The following PDE4A variants were observed in gnomAD, a reference collection of about 807,000 sequenced individuals.
PDE4A encodes the protein phosphodiesterase 4A, also known as 3',5'-cyclic-AMP phosphodiesterase 4A.
Under a neutral mutation model 73.9 loss-of-function variants are expected in PDE4A, and 21 were observed. The ratio of observed to expected loss-of-function variants is 0.28; its 90% confidence interval spans 0.20 to 0.41. PDE4A has a LOEUF of 0.41. PDE4A is among the 10% of genes least tolerant of loss of function. The pLI, the probability that PDE4A is intolerant of heterozygous loss-of-function variation, is 1.00. For missense variants in PDE4A, 958 were observed against 1,211.4 expected (o/e 0.79, Z 3.10); for synonymous variants, 463 against 505.4 (o/e 0.92, Z 1.13).
intron 1 of PDE4A, among the ~76,000 whole-genome samples, chr19:10,444,391 G>A (rs949590966): frequency 6.6e-6 from 1 of 151,960 alleles, no homozygotes; most frequent in African/African-American, 2.4e-5. Flanking sequence ...CCAGCTACTC[G>A]GGAGACTAAG....
chr19:10,421,080 A>G lies in PDE4A; in HGVS notation c.316A>G (p.Arg106Gly). 7.3e-7 allele frequency: 1 copy of G among 1,378,532 alleles called. No individual in the cohort carries two copies. The highest frequency in any genetic ancestry group is 9.3e-7 in the Non-Finnish European group (1 of 1,075,722). The allele number at this position is 1,378,532 out of a possible 1,614,324, so 85.4% of individuals were successfully genotyped here. Residue 106 changes from arginine (R) to glycine (G), a missense_variant, in exon 1 of 15, where the codon AGG (arginine) becomes GGG (glycine). Arg to Gly is a moderately radical substitution (Grantham distance 125). Around this residue, in one of 3 missense-constraint regions of PDE4A, gnomAD observed 570 missense variants for 827.7 expected, o/e 0.69. Transcript: ENST00000380702. ...GSGGAGGGSS[R>G]RFEAENGPTP... is the part of the protein sequence containing the mutation. ...CGGCGGCGCGGGCGGAGGCAGCAGCAGGCGGTAAGACTCCCCGCGGCGGAT... is the reference window on the plus strand; with the variant it reads ...CGGCGGCGCGGGCGGAGGCAGCAGCGGGCGGTAAGACTCCCCGCGGCGGAT...
At chr19:10,417,586 G>A (rs745743179), upstream of PDE4A, 94 of 1,500,810 alleles carry the variant, frequency 6.3e-5, 1 homozygote, top group Non-Finnish European at 8.0e-5. Flanking sequence ...CAGCTAGGTA[G>A]GGGTGTTCTT....
At chr19:10,450,445 G>A (rs1467680975) in intron 4 of PDE4A, 158 bp from the exon 5 acceptor site, 24 of 963,662 alleles carry the variant, frequency 2.5e-5, no homozygotes, top group Admixed American at 6.2e-5. Flanking sequence ...GATTTTTCTG[G>A]GACTCATTGA....
chr19:10,424,022 G>T lies in PDE4A; in HGVS notation c.320+2938G>T, dbSNP rs2042683376. ...TACAGGATTCAGTGCTCCCCACACT[G>T]GAGTTCATCCAGCTACCGCAAAAGG... On this transcript the variant is annotated intron_variant, in intron 1 of 14. Coordinates refer to ENST00000380702, the MANE Select transcript of PDE4A (RefSeq NM_001111307.2). This position sits in a 1 kb window ranked among gnomAD's most constrained non-coding sequence, Gnocchi z 4.8. Among the ~76,000 whole-genome samples, 1 of 152,234 alleles carries T rather than the reference G, an allele frequency of 6.6e-6. No individual in the cohort carries two copies. Among genetic ancestry groups the T allele is most frequent in the Admixed American group, 6.5e-5 (1 of 15,282 alleles).
intron 13 of PDE4A, among the ~76,000 whole-genome samples, chr19:10,462,407 C>G (rs1272532855): frequency 6.6e-6 from 1 of 151,452 alleles, no homozygotes; most frequent in Non-Finnish European, 1.5e-5. Flanking sequence ...CCCCGCCCCC[C>G]GCCTTGGCCT....
intron 7 of PDE4A, among the ~76,000 whole-genome samples, chr19:10,456,579 T>C (rs1470078886): frequency 1.3e-5 from 2 of 151,314 alleles, no homozygotes; most frequent in African/African-American, 2.4e-5. Flanking sequence ...TAGTCGGGCA[T>C]GGTGGCGTGT....
chr19:10,442,449 G>T (rs1268534697), intron 1 of PDE4A, among the ~76,000 whole-genome samples: 1 of 152,054 alleles, frequency 6.6e-6, no homozygotes, highest in South Asian at 2.1e-4. Flanking sequence ...GCTTGAACCC[G>T]GGAGGCAGAG....
rs928611305 is a variant in PDE4A at position 10,453,151 on chromosome 19, T to C, written c.784-1678T>C. 2.8e-6 allele frequency: 4 copies of C among 1,431,014 alleles called. No individual in the cohort carries two copies. The highest frequency in any genetic ancestry group is 3.7e-6 in the Non-Finnish European group (4 of 1,091,030). The allele number at this position is 1,431,014 out of a possible 1,614,324, so 88.6% of individuals were successfully genotyped here. ...GGGCCGGCCCAGGCCCCTCCGCGGC[T>C]CCCCCTTCCACTACCCACCTGCCCG... On this transcript the variant is annotated intron_variant, in intron 6 of 14. Coordinates refer to ENST00000380702, the MANE Select transcript of PDE4A (RefSeq NM_001111307.2). This position sits in a 1 kb window ranked among gnomAD's most constrained non-coding sequence, Gnocchi z 4.6.
At chr19:10,430,924 A>G in intron 1 of PDE4A, 1 of 1,507,222 alleles carries the variant, frequency 6.6e-7, no homozygotes, top group Non-Finnish European at 8.8e-7. Flanking sequence ...GCTGAGGACG[A>G]GGCGTTCCTG....
upstream of PDE4A, chr19:10,417,222 G>A (rs2042596701): frequency 3.0e-6 from 3 of 985,132 alleles, no homozygotes; most frequent in Non-Finnish European, 3.6e-6. Context: ...AATGAGGAGA[G>A]GATTTTGGCG....
chr19:10,448,634 TA>T lies in PDE4A; in HGVS notation c.513-269del, dbSNP rs573277641. On this transcript the variant is annotated intron_variant, in intron 2 of 14. Coordinates refer to ENST00000380702, the MANE Select transcript of PDE4A (RefSeq NM_001111307.2). Reference sequence around the variant, plus strand: ...CTGGGTGACAGAGTGAGACTCTGTCTAAAAAAAAAAAAAACACCCAACCATA... The same window carrying T: ...CTGGGTGACAGAGTGAGACTCTGTCTAAAAAAAAAAAAACACCCAACCATA... Among the ~76,000 whole-genome samples the T allele has an allele frequency of 3.3e-3, 440 of 134,438 alleles. 2 individuals carry two copies. Among genetic ancestry groups the T allele is most frequent in the South Asian group, 0.016 (68 of 4,240 alleles). The allele number at this position is 134,438 out of a possible 152,430, so 88.2% of individuals were successfully genotyped here. A position where few individuals can be genotyped will look rare whatever the true frequency, so the allele number is the denominator to read the frequency against.
In PDE4A at chr19:10,453,176, G is replaced by A. The variant is rs1162981107; in HGVS notation, c.784-1653G>A. 1.3e-5 allele frequency: 19 copies of A among 1,471,556 alleles called. No individual in the cohort carries two copies. The Admixed American group carries it at 2.5e-4, about 20-fold the overall frequency. 91.2% of individuals were successfully genotyped at this position (1,471,556 alleles called of 1,614,324 possible). A position where few individuals can be genotyped will look rare whatever the true frequency, so the allele number is the denominator to read the frequency against. On this transcript the variant is annotated intron_variant, in intron 6 of 14. Coordinates refer to ENST00000380702, the MANE Select transcript of PDE4A (RefSeq NM_001111307.2). This position sits in a 1 kb window ranked among gnomAD's most constrained non-coding sequence, Gnocchi z 4.6. Reference sequence around the variant, plus strand: ...TCCCCCTTCCACTACCCACCTGCCCGGCACCCCCTCCCCAGTGGTTGTTAA... The same window carrying A: ...TCCCCCTTCCACTACCCACCTGCCCAGCACCCCCTCCCCAGTGGTTGTTAA...
At position 10,453,454 on chromosome 19, in the gene PDE4A, T is replaced by G; in HGVS notation, c.784-1375T>G. On this transcript the variant is annotated intron_variant, in intron 6 of 14. Transcript: ENST00000380702. The surrounding 1 kb of genome is among the most constrained non-coding windows in gnomAD (Gnocchi z 4.6). ...GAAGCCTTGTGACTGTCTCTGTGTG[T>G]GGCCCAGGGCTGGGCGTGGATGGCG... The G allele has an allele frequency of 1.6e-6, 2 of 1,218,966 alleles. No homozygotes were observed. The highest frequency in any genetic ancestry group is 2.2e-6 in the Non-Finnish European group (2 of 902,328). 75.5% of individuals were successfully genotyped at this position (1,218,966 alleles called of 1,614,324 possible).
chr19:10,453,418 GGCC>G lies in PDE4A; in HGVS notation c.784-1410_784-1408del. The G allele has an allele frequency of 6.9e-7, 1 of 1,449,728 alleles. No individual in the cohort carries two copies. The allele number at this position is 1,449,728 out of a possible 1,614,324, so 89.8% of individuals were successfully genotyped here. ...TGTGTGTGCAGCTGTGCACGTGTGT[GGCC>G]TGGAGATGAAGCCTTGTGACTGTCT... On this transcript the variant is annotated intron_variant, in intron 6 of 14. Coordinates refer to ENST00000380702, the MANE Select transcript of PDE4A (RefSeq NM_001111307.2). This position sits in a 1 kb window ranked among gnomAD's most constrained non-coding sequence, Gnocchi z 4.6.
At chr19:10,445,315 G>A (rs183423720) in intron 1 of PDE4A, among the ~76,000 whole-genome samples, 41 of 152,330 alleles carry the variant, frequency 2.7e-4, no homozygotes, top group African/African-American at 8.7e-4. Flanking sequence ...TTGGCACCAA[G>A]GCTGATTTGA....
At chr19:10,465,683 C>CTTTTTTTTTTTTTTTTTTTTTTTTTTTT (rs749126870) in intron 14 of PDE4A, among the ~76,000 whole-genome samples, 3 of 48,366 alleles carry the variant, frequency 6.2e-5, no homozygotes, top group Non-Finnish European at 1.1e-4. Flanking sequence ...GTGGCTTTAG[C>CTTTTTTTTTTTTTTTTTTTTTTTTTTTT]TTTTTTTTTT....
At chr19:10,428,629 T>TA (rs1284223698) in intron 1 of PDE4A, 1 of 244,302 alleles carries the variant, frequency 4.1e-6, no homozygotes, top group Non-Finnish European at 6.6e-6. Context: ...CTGAGCTTTT[T>TA]ATGTGTCCAT....
At chr19:10,464,403 T>C (rs1445938790) in intron 14 of PDE4A, 2 of 454,958 alleles carry the variant, frequency 4.4e-6, no homozygotes, top group Admixed American at 4.7e-5. Flanking sequence ...GCCTCCTGTT[T>C]TTCTTTTATT....
chr19:10,426,400 A>G (rs948606167), intron 1 of PDE4A, among the ~76,000 whole-genome samples: 6 of 151,464 alleles, frequency 4.0e-5, no homozygotes, highest in Non-Finnish European at 8.8e-5. Context: ...TAAAACAATG[A>G]GATTCTTTTT....
Sources: gnomAD v4.1 joint callset for allele counts (sites outside exome capture counted in the v4.1 genomes callset) on GRCh38, gnomAD v4.1.1 for gene constraint, gnomAD v4.1.1 regional missense constraint, Gnocchi (gnomAD v3.1) non-coding constraint, MANE v1.5 for transcripts, NCBI Gene and HGNC (gene_info 2026-07-23, HGNC 2026-07-21) for gene names.